TINAG: variants seen among roughly 807,000 people sequenced by gnomAD.
The protein encoded by TINAG is tubulointerstitial nephritis antigen.
Under a neutral mutation model 72.7 loss-of-function variants are expected in TINAG, and 83 were observed. The observed-to-expected ratio is 1.14, with a 90% CI of 0.96 to 1.37. TINAG has a LOEUF of 1.37. Among genes scored for constraint, TINAG ranks in the 40% most tolerant of loss-of-function variants. The probability of loss-of-function intolerance (pLI) is 0.00; values close to 1 mark genes in which losing one functional copy is unlikely to be tolerated. For missense variants in TINAG, 685 were observed against 576.6 expected, an observed-to-expected ratio of 1.19 and a Z score of -1.93; for synonymous variants, 234 against 189.9, an observed-to-expected ratio of 1.23 and a Z score of -1.91.
chr6:54,344,878 A>G (rs1785083677), intron 5 of TINAG, among the ~76,000 whole-genome samples: 1 of 152,194 alleles, frequency 6.6e-6, no homozygotes, highest in African/African-American at 2.4e-5. Context: ...ATAAAGAAAA[A>G]AATAAACTAA....
chr6:54,325,643 G>A (rs546702611), intron 3 of TINAG, among the ~76,000 whole-genome samples: 1 of 152,164 alleles, frequency 6.6e-6, no homozygotes, highest in Admixed American at 6.5e-5. Flanking sequence ...ACCAAATTGA[G>A]TGCTGAATTA....
intron 4 of TINAG, among the ~76,000 whole-genome samples, chr6:54,328,760 G>C (rs1173416681): frequency 1.3e-5 from 2 of 151,916 alleles, no homozygotes; most frequent in Non-Finnish European, 2.9e-5. Context: ...AGAATAACCA[G>C]TTGAGAGAAG....
intron 10 of TINAG, among the ~76,000 whole-genome samples, chr6:54,385,480 GAA>G (rs34481174): frequency 6.7e-6 from 1 of 150,176 alleles, no homozygotes; most frequent in Non-Finnish European, 1.5e-5. Context: ...GGAACAATTT[GAA>G]AAAAAAAATG....
At chr6:54,342,593 C>T (rs1785024004) in intron 4 of TINAG, among the ~76,000 whole-genome samples, 1 of 152,106 alleles carries the variant, frequency 6.6e-6, no homozygotes, top group Non-Finnish European at 1.5e-5. Flanking sequence ...TGGTCTCGAA[C>T]TCCTGACCTT....
At chr6:54,310,864 T>A (rs1784237315) in intron 1 of TINAG, among the ~76,000 whole-genome samples, 1 of 144,554 alleles carries the variant, frequency 6.9e-6, no homozygotes, top group African/African-American at 2.6e-5. Flanking sequence ...TCGCTCTTTC[T>A]TTCTCTTTCT....
intron 3 of TINAG, among the ~76,000 whole-genome samples, chr6:54,323,920 C>T (rs779094748): frequency 2.0e-5 from 3 of 152,160 alleles, no homozygotes; most frequent in Non-Finnish European, 4.4e-5. Context: ...CACCACTGCA[C>T]TCCAGCCTGG....
At chr6:54,376,857 A>G (rs1763797811) in intron 9 of TINAG, among the ~76,000 whole-genome samples, 1 of 152,120 alleles carries the variant, frequency 6.6e-6, no homozygotes, top group Non-Finnish European at 1.5e-5. Flanking sequence ...TAAATCCTGA[A>G]GGAAGAGCTT....
chr6:54,310,591 TTTC>T (rs966877394), intron 1 of TINAG, among the ~76,000 whole-genome samples: 4 of 148,754 alleles, frequency 2.7e-5, no homozygotes, highest in South Asian at 2.1e-4. Context: ...CTCTTCTTTC[TTTC>T]TTTTCTTTCT....
intron 8 of TINAG, among the ~76,000 whole-genome samples, chr6:54,352,122 C>G (rs1785280032): frequency 6.6e-6 from 1 of 151,610 alleles, no homozygotes; most frequent in Non-Finnish European, 1.5e-5. Context: ...AAGAACAAAT[C>G]CAATGAGGTC....
intron 4 of TINAG, among the ~76,000 whole-genome samples, chr6:54,337,900 C>T (rs1460082563): frequency 6.6e-6 from 1 of 152,116 alleles, no homozygotes. Context: ...CAGCTCATCT[C>T]AGAATTTTTT....
chr6:54,354,576 G>A lies in TINAG; in HGVS notation c.1190G>A (p.Ser397Asn), dbSNP rs1198980391. 1.2e-6 allele frequency: 2 copies of A among 1,610,520 alleles called. No homozygotes were observed. Among genetic ancestry groups the A allele is most frequent in the African/African-American group, 2.7e-5 (2 of 74,636 alleles). Residue 397 changes from serine (S) to asparagine (N), a missense_variant, in exon 9 of 11, where the codon AGC becomes AAC. Transcript: ENST00000259782. The part of the protein sequence containing the change: ...YKTGIYRHVT[S>N]TNKESEKYRK... Reference sequence around the variant, plus strand: ...ACAGGGATATACAGACATGTTACCAGCACAAATAAAGAATCAGAAAAATAT... The same window carrying A: ...ACAGGGATATACAGACATGTTACCAACACAAATAAAGAATCAGAAAAATAT...
At chr6:54,314,024 A>G (rs1934792) in intron 1 of TINAG, among the ~76,000 whole-genome samples, 82,153 of 151,960 alleles carry the variant, frequency 0.54, 23,617 homozygotes, top group Middle Eastern at 0.67. Context: ...TAGGATCTAC[A>G]TGGGTAAGGA....
In TINAG at chr6:54,354,088, T is replaced by C. The variant is rs540053570; in HGVS notation, c.1127-425T>C. Among the ~76,000 whole-genome samples the C allele has an allele frequency of 5.3e-5, 8 of 152,044 alleles. No individual in the cohort carries two copies. The East Asian group carries it at 9.7e-4, about 18-fold the overall frequency. On this transcript the variant is annotated intron_variant, in intron 8 of 10. Transcript: ENST00000259782. ...CAAAAGAAAGGTTTGTATTTACTTA[T>C]GAGGATTAACAACAATTGCTTTAAG...
chr6:54,357,582 T>C (rs945967025), intron 9 of TINAG, among the ~76,000 whole-genome samples: 4 of 151,958 alleles, frequency 2.6e-5, no homozygotes, highest in African/African-American at 9.7e-5. Context: ...TCTTCCATAT[T>C]CTCTGCTGGA....
intron 6 of TINAG, among the ~76,000 whole-genome samples, chr6:54,348,671 C>A (rs1415796864): frequency 1.3e-5 from 2 of 152,040 alleles, no homozygotes; most frequent in African/African-American, 4.8e-5. Flanking sequence ...CTCATGACAT[C>A]CTTTAAAGTT....
intron 4 of TINAG, among the ~76,000 whole-genome samples, chr6:54,327,953 G>A (rs1038082032): frequency 6.6e-6 from 1 of 152,154 alleles, no homozygotes; most frequent in Non-Finnish European, 1.5e-5. Context: ...TTGAAAGAAA[G>A]GCAGCAGCTC....
intron 10 of TINAG, 77 bp from the exon 11 acceptor site, chr6:54,389,714 A>T: frequency 6.6e-7 from 1 of 1,507,506 alleles, no homozygotes; most frequent in Non-Finnish European, 8.8e-7. Context: ...TAAAGTTACA[A>T]ATGAGTTCTC....
intron 9 of TINAG, among the ~76,000 whole-genome samples, chr6:54,362,374 A>T (rs1582741739): frequency 6.6e-6 from 1 of 151,646 alleles, no homozygotes. Context: ...TTAACTCTGC[A>T]TGCATTCTAG....
intron 6 of TINAG, among the ~76,000 whole-genome samples, chr6:54,349,417 C>T (rs1394740883): frequency 6.6e-6 from 1 of 151,604 alleles, no homozygotes; most frequent in Non-Finnish European, 1.5e-5. Context: ...TTAATATTAC[C>T]ACAGACTTAA....
Sources: allele counts gnomAD v4.1 joint callset (sites outside exome capture counted in the v4.1 genomes callset), GRCh38; gene constraint gnomAD v4.1.1; transcripts MANE v1.5; gene names NCBI Gene and HGNC (gene_info 2026-07-23, HGNC 2026-07-21).